The following CDK13 variants were observed in gnomAD, a reference collection of about 807,000 sequenced individuals.
CDK13 encodes the protein cyclin-dependent kinase 13.
In CDK13, 40 loss-of-function variants were observed where a neutral mutation model predicts 137.6. The ratio of observed to expected loss-of-function variants is 0.29; its 90% confidence interval spans 0.23 to 0.38. The LOEUF (loss-of-function observed/expected upper bound fraction) is 0.38, where lower values mean the gene tolerates loss of function less well. Ranked by LOEUF, CDK13 falls within the 10% of genes least tolerant of loss-of-function variation. The probability of loss-of-function intolerance (pLI) is 1.00; values close to 1 mark genes in which losing one functional copy is unlikely to be tolerated. For missense variants in CDK13, 1,704 were observed against 1,951.8 expected, an observed-to-expected ratio of 0.87 and a Z score of 2.39; for synonymous variants, 869 against 760.1, an observed-to-expected ratio of 1.14 and a Z score of -2.36.
intron 7 of CDK13, chr7:40,061,175 C>T (rs1242064234): frequency 6.6e-6 from 1 of 152,036 alleles, no homozygotes; most frequent in Non-Finnish European, 1.5e-5. Context: ...AAGACTTGCT[C>T]ATTATGTGAA....
intron 5 of CDK13, among the ~76,000 whole-genome samples, chr7:40,004,248 G>A (rs1009231771): frequency 6.6e-6 from 1 of 151,912 alleles, no homozygotes; most frequent in African/African-American, 2.4e-5. Context: ...AATTCCCAGA[G>A]CCTTTGTATT....
Position 40,060,080 on chromosome 7 carries a change from T to C in CDK13, c.2601-2746T>C, listed in dbSNP as rs1400131960. ...TCACGTCTGAATTAATAAAACATTA[T>C]AGCAATTAATAAAAAGTATATTCTA... On this transcript the variant is annotated intron_variant, in intron 7 of 13. Coordinates refer to ENST00000181839, the MANE Select transcript of CDK13 (RefSeq NM_003718.5). 2.0e-5 allele frequency among the ~76,000 whole-genome samples: 3 copies of C among 152,310 alleles called. No individual in the cohort carries two copies. In the East Asian group the frequency reaches 5.8e-4, roughly 29 times the overall value.
chr7:39,983,743 T>C (rs1451750277), intron 1 of CDK13, among the ~76,000 whole-genome samples: 1 of 152,220 alleles, frequency 6.6e-6, no homozygotes, highest in Non-Finnish European at 1.5e-5. Context: ...CAGACTTGTT[T>C]GGAGCTCCAA....
chr7:39,957,053 G>A (rs1390623270), intron 1 of CDK13, among the ~76,000 whole-genome samples: 1 of 151,342 alleles, frequency 6.6e-6, no homozygotes, highest in East Asian at 1.9e-4. Flanking sequence ...TTCATCTCCA[G>A]CTTTGCATTT....
At chr7:40,048,349 A>C (rs1785796383) in intron 7 of CDK13, 3 of 152,164 alleles carry the variant, frequency 2.0e-5, no homozygotes, top group Admixed American at 2.0e-4. Flanking sequence ...AAAATGTAGA[A>C]CTTTTCTGGC....
At chr7:40,001,519 A>T (rs539421377) in intron 4 of CDK13, among the ~76,000 whole-genome samples, 9 of 152,222 alleles carry the variant, frequency 5.9e-5, no homozygotes, top group Admixed American at 2.6e-4. Context: ...CTGGCCTAGC[A>T]TCTTTCTGTT....
chr7:40,094,456 T>G lies in CDK13; in HGVS notation c.4015T>G (p.Phe1339Val). Residue 1339 changes from phenylalanine to valine, a missense_variant, in exon 14 of 14, where the codon TTT becomes GTT. This residue lies in a region of CDK13 where 475 missense variants were observed against 579.3 expected (regional missense o/e 0.82). Coordinates refer to ENST00000181839, the MANE Select transcript of CDK13 (RefSeq NM_003718.5). ...YVSTSDYKDN[F>V]GSSSFSSAPY... ...GTCCACTTCAGACTACAAGGACAAC[T>G]TTGGATCCTCTTCTTTCTCTTCTGC... The G allele has an allele frequency of 6.2e-7, 1 of 1,613,958 alleles. No homozygotes were observed. The highest frequency in any genetic ancestry group is 8.5e-7 in the Non-Finnish European group (1 of 1,180,016).
At chr7:40,032,344 T>C (rs1005557431) in intron 5 of CDK13, among the ~76,000 whole-genome samples, 9 of 152,240 alleles carry the variant, frequency 5.9e-5, no homozygotes, top group Non-Finnish European at 2.9e-5. Flanking sequence ...GTGCTGGGAT[T>C]ATAGGCATGA....
In CDK13 at chr7:39,992,070, TACACACACACACACACACAC is replaced by T. The variant is rs148046155; in HGVS notation, c.1871+3827_1871+3846del. On this transcript the variant is annotated intron_variant, in intron 2 of 13. Transcript: ENST00000181839. The stretch of plus-strand genomic sequence containing the variant: ...CTGTCTCAAAAAAAGGAAAAAATTA[TACACACACACACACACACAC>T]ACACACACACACACGCACACACACA... Among the ~76,000 whole-genome samples the T allele has an allele frequency of 1.7e-4, 25 of 147,082 alleles. No homozygotes were observed. In the East Asian group the frequency reaches 1.7e-3, roughly 10 times the overall value.
intron 5 of CDK13, among the ~76,000 whole-genome samples, chr7:40,010,986 TAATTG>T (rs1784882802): frequency 6.6e-6 from 1 of 152,118 alleles, no homozygotes; most frequent in East Asian, 1.9e-4. Flanking sequence ...CTAGAAAACA[TAATTG>T]AAAGAAATTG....
chr7:39,996,136 T>C (rs1207945444), intron 2 of CDK13, among the ~76,000 whole-genome samples: 1 of 152,226 alleles, frequency 6.6e-6, no homozygotes, highest in Non-Finnish European at 1.5e-5. Context: ...TCAGATGGTA[T>C]TATTAAGTTG....
Position 39,997,613 on chromosome 7 carries a change from G to C in CDK13, c.1991G>C (p.Ser664Thr). 1 of 1,613,682 alleles carries C rather than the reference G, an allele frequency of 6.2e-7. No homozygotes were observed. Among genetic ancestry groups the C allele is most frequent in the Non-Finnish European group, 8.5e-7 (1 of 1,179,820 alleles). The stretch of plus-strand genomic sequence containing the variant: ...CCAGGAGGAGATGATCTTTCAAAGA[G>C]TCCAGAGGAAAAGAAAACAGCAACA... ...ELPGGDDLSK[S>T]PEEKKTATQL... The change falls in exon 3 of 14, where the codon AGT becomes ACT. Residue 664 changes from serine to threonine, a missense_variant. Ser to Thr is a moderately conservative substitution (Grantham distance 58, BLOSUM62 1). Transcript: ENST00000181839.
intron 7 of CDK13, among the ~76,000 whole-genome samples, chr7:40,060,510 A>G (rs577696030): frequency 2.6e-5 from 4 of 152,264 alleles, no homozygotes; most frequent in East Asian, 1.9e-4. Flanking sequence ...TTAGAGGGCA[A>G]TATACATTAA....
At chr7:40,051,285 A>T (rs1490779843) in intron 7 of CDK13, among the ~76,000 whole-genome samples, 1 of 151,718 alleles carries the variant, frequency 6.6e-6, no homozygotes, top group Non-Finnish European at 1.5e-5. Context: ...TAAGAGAATA[A>T]TTCTGATTTC....
chr7:39,976,288 G>GTCTCTCTCTCTCTCTCTCTCTCTC (rs1174858221), intron 1 of CDK13, among the ~76,000 whole-genome samples: 3 of 29,906 alleles, frequency 1.0e-4, no homozygotes, highest in Admixed American at 4.9e-4. Context: ...GCGAGATTCC[G>GTCTCTCTCTCTCTCTCTCTCTCTC]TCTCTCTCTC....
chr7:39,979,306 T>C (rs1202279145), intron 1 of CDK13, among the ~76,000 whole-genome samples: 1 of 147,968 alleles, frequency 6.8e-6, no homozygotes, highest in Non-Finnish European at 1.5e-5. Flanking sequence ...AACCTCCGCC[T>C]CCCAGGTTCA....
chr7:39,975,642 A>G (rs1460575326), intron 1 of CDK13, among the ~76,000 whole-genome samples: 1 of 152,216 alleles, frequency 6.6e-6, no homozygotes, highest in African/African-American at 2.4e-5. Context: ...ATGATGAGAG[A>G]GAGCCCGCCA....
intron 1 of CDK13, among the ~76,000 whole-genome samples, chr7:39,961,017 A>AT (rs139554181): frequency 2.1e-4 from 32 of 150,682 alleles, no homozygotes; most frequent in East Asian, 3.9e-4. Flanking sequence ...TTTTAAAATA[A>AT]TTTTTTTTTT....
chr7:40,024,975 G>GT (rs1785214349), intron 5 of CDK13, among the ~76,000 whole-genome samples: 1 of 151,968 alleles, frequency 6.6e-6, no homozygotes, highest in Admixed American at 6.6e-5. Context: ...TAGCTCTGTG[G>GT]TTTTTTAATC....
Sources: allele counts gnomAD v4.1 joint callset (sites outside exome capture counted in the v4.1 genomes callset), GRCh38; gene constraint gnomAD v4.1.1; regional missense constraint gnomAD v4.1.1; transcripts MANE v1.5; gene names NCBI Gene and HGNC (gene_info 2026-07-23, HGNC 2026-07-21).